NDUFS4: variants seen among roughly 807,000 people sequenced by gnomAD.
NDUFS4 encodes the protein NADH:ubiquinone oxidoreductase subunit S4, also known as NADH dehydrogenase [ubiquinone] iron-sulfur protein 4, mitochondrial.
In NDUFS4, 28 loss-of-function variants were observed where a neutral mutation model predicts 24.3. That is an observed-to-expected ratio of 1.15 (90% confidence interval 0.85 to 1.58). The LOEUF (loss-of-function observed/expected upper bound fraction) is 1.58. Ranked by LOEUF, NDUFS4 falls within the 40% of genes most tolerant of loss-of-function variation. The pLI is 0.00. For missense variants in NDUFS4, 223 were observed against 207.9 expected, an observed-to-expected ratio of 1.07 and a Z score of -0.45; for synonymous variants, 93 against 69.7, an observed-to-expected ratio of 1.34 and a Z score of -1.67.
chr5:53,598,261 A>G (rs551951556), intron 1 of NDUFS4, among the ~76,000 whole-genome samples: 51 of 152,360 alleles, frequency 3.3e-4, no homozygotes, highest in Non-Finnish European at 2.6e-4. Flanking sequence ...ATTTACCCAA[A>G]CAAGTGGCAA....
rs112975128 is a variant in NDUFS4 at position 53,601,673 on chromosome 5, C to CA, written c.99-1776dup. 8.7e-3 allele frequency among the ~76,000 whole-genome samples: 1,327 copies of CA among 152,258 alleles called. 18 individuals are homozygous for CA. Among genetic ancestry groups the CA allele is most frequent in the African/African-American group, 0.03 (1,261 of 41,544 alleles). Reference sequence around the variant, plus strand: ...AATATGCAGTGGAAAATTCCCAAAACAAACAATTTATGAATTTAATATTTG... The same window carrying CA: ...AATATGCAGTGGAAAATTCCCAAAACAAAACAATTTATGAATTTAATATTTG... On this transcript the variant is annotated intron_variant, in intron 1 of 4. Transcript: ENST00000296684.
chr5:53,646,288 G>A lies in NDUFS4; in HGVS notation c.233G>A (p.Arg78Lys). 2 of 1,613,326 alleles carry A rather than the reference G, an allele frequency of 1.2e-6. No homozygotes were observed. The highest frequency in any genetic ancestry group is 1.7e-6 in the Non-Finnish European group (2 of 1,179,466). ...GAGCATATAAAAACTAGAAAAGTCA[G>A]GATCTTTGTTCCTGCTCGCAATAAC... ...PEEHIKTRKV[R>K]IFVPARNNMQ... The change falls in exon 3 of 5, where the codon AGG (arginine) becomes AAG (lysine). Residue 78 changes from arginine to lysine, a missense_variant. Physicochemically the swap from Arg to Lys is conservative, Grantham distance 26. Transcript: ENST00000296684.
chr5:53,646,130 G>C, intron 2 of NDUFS4, 103 bp from the exon 3 acceptor site: 1 of 979,880 alleles, frequency 1.0e-6, no homozygotes, highest in East Asian at 2.7e-5. Flanking sequence ...CTCAATTTAT[G>C]AACAAATCTG....
At chr5:53,623,745 A>G (rs1156581100) in intron 2 of NDUFS4, among the ~76,000 whole-genome samples, 1 of 57,148 alleles carries the variant, frequency 1.7e-5, no homozygotes, top group Non-Finnish European at 3.5e-5. Flanking sequence ...TTTGAGACGG[A>G]ATCTCCTCTG....
chr5:53,627,947 C>T (rs976387313), intron 2 of NDUFS4, among the ~76,000 whole-genome samples: 8 of 152,122 alleles, frequency 5.3e-5, no homozygotes, highest in Non-Finnish European at 1.2e-4. Flanking sequence ...AGAGGGCATC[C>T]TTGTCTTGTG....
intron 4 of NDUFS4, among the ~76,000 whole-genome samples, chr5:53,663,842 A>T (rs1001153291): frequency 2.0e-5 from 3 of 152,124 alleles, no homozygotes; most frequent in African/African-American, 7.2e-5. Flanking sequence ...CTTTAAGGTT[A>T]ATATTGTTAT....
At chr5:53,586,341 AAAAAC>A (rs1445813630) in intron 1 of NDUFS4, among the ~76,000 whole-genome samples, 1 of 151,782 alleles carries the variant, frequency 6.6e-6, no homozygotes, top group African/African-American at 2.4e-5. Flanking sequence ...AAAAAAAAAA[AAAAAC>A]AAACCAAAAC....
chr5:53,569,857 T>C (rs1292703327), intron 1 of NDUFS4, among the ~76,000 whole-genome samples: 2 of 152,202 alleles, frequency 1.3e-5, no homozygotes, highest in Admixed American at 1.3e-4. Flanking sequence ...TTTTCCATTT[T>C]GTCAGTGTTG....
At chr5:53,610,074 G>C (rs1164685430) in intron 2 of NDUFS4, among the ~76,000 whole-genome samples, 1 of 152,052 alleles carries the variant, frequency 6.6e-6, no homozygotes, top group Non-Finnish European at 1.5e-5. Flanking sequence ...TGGCTGTTTG[G>C]TGCAAGAGGC....
intron 4 of NDUFS4, among the ~76,000 whole-genome samples, chr5:53,670,571 A>T (rs1306854618): frequency 6.6e-6 from 1 of 151,604 alleles, no homozygotes; most frequent in Non-Finnish European, 1.5e-5. Flanking sequence ...TATGGCTCAC[A>T]TATTTCTACT....
chr5:53,566,350 GTA>G (rs1396907724), intron 1 of NDUFS4, among the ~76,000 whole-genome samples: 3 of 152,110 alleles, frequency 2.0e-5, no homozygotes, highest in South Asian at 2.1e-4. Context: ...ATGTCCCTTG[GTA>G]GAAGTTGAGA....
intron 1 of NDUFS4, among the ~76,000 whole-genome samples, chr5:53,601,668 C>G (rs1196145897): frequency 3.3e-5 from 5 of 151,954 alleles, no homozygotes; most frequent in African/African-American, 9.7e-5. Flanking sequence ...GGAAAATTCC[C>G]AAAACAAACA....
chr5:53,648,379 C>T (rs1751923040), intron 3 of NDUFS4, among the ~76,000 whole-genome samples: 3 of 152,174 alleles, frequency 2.0e-5, no homozygotes, highest in Admixed American at 2.0e-4. Flanking sequence ...TGGAAAACAA[C>T]AGATGGAGGA....
intron 4 of NDUFS4, among the ~76,000 whole-genome samples, chr5:53,679,589 A>G (rs1245010402): frequency 1.3e-5 from 2 of 152,158 alleles, no homozygotes; most frequent in Non-Finnish European, 2.9e-5. Flanking sequence ...CATAACCAGA[A>G]TAGATATTAG....
intron 2 of NDUFS4, among the ~76,000 whole-genome samples, chr5:53,641,439 C>T (rs1579909604): frequency 1.3e-5 from 2 of 152,304 alleles, no homozygotes. Context: ...ATTCAAACTA[C>T]ACTTTTGGCT....
At chr5:53,599,747 A>G (rs1022745757) in intron 1 of NDUFS4, among the ~76,000 whole-genome samples, 1 of 152,000 alleles carries the variant, frequency 6.6e-6, no homozygotes, top group Non-Finnish European at 1.5e-5. Flanking sequence ...CACTTACAGT[A>G]TATTTAGTTT....
chr5:53,611,498 T>A (rs910249477), intron 2 of NDUFS4, among the ~76,000 whole-genome samples: 3 of 151,926 alleles, frequency 2.0e-5, no homozygotes, highest in Non-Finnish European at 4.4e-5. Context: ...TTTTTACCCT[T>A]GAAACTAACA....
At chr5:53,589,674 G>A (rs1404343066) in intron 1 of NDUFS4, among the ~76,000 whole-genome samples, 2 of 152,166 alleles carry the variant, frequency 1.3e-5, no homozygotes, top group Admixed American at 6.5e-5. Context: ...GTCTGTGAGG[G>A]TGTTGCCAAA....
At chr5:53,615,607 A>G (rs1331511140) in intron 2 of NDUFS4, among the ~76,000 whole-genome samples, 4 of 152,100 alleles carry the variant, frequency 2.6e-5, no homozygotes, top group East Asian at 1.9e-4. Flanking sequence ...GCAGTATACT[A>G]TGTCTCCACA....
Sources: gnomAD v4.1 joint callset for allele counts (sites outside exome capture counted in the v4.1 genomes callset) on GRCh38, gnomAD v4.1.1 for gene constraint, MANE v1.5 for transcripts, NCBI Gene and HGNC (gene_info 2026-07-23, HGNC 2026-07-21) for gene names.